The following OGFRL1 variants were observed in gnomAD, a reference collection of about 807,000 sequenced individuals.
OGFRL1 encodes the protein opioid growth factor receptor-like protein 1.
In OGFRL1, 26 loss-of-function variants were observed where a neutral mutation model predicts 32.4. The ratio of observed to expected loss-of-function variants is 0.80; its 90% CI spans 0.59 to 1.11. The LOEUF is 1.11. OGFRL1 is among the 50% of genes most tolerant of loss of function. The pLI is 0.00. For synonymous variants in OGFRL1, 211 were observed against 201.2 expected, an observed-to-expected ratio of 1.05 and a Z score of -0.41; for missense variants, 521 against 546.4, an observed-to-expected ratio of 0.95 and a Z score of 0.46.
In OGFRL1 at chr6:71,301,894, G is replaced by C. The variant is rs1174728040; in HGVS notation, c.1201G>C (p.Glu401Gln). ...AAATACAGAGAAGGACAGTAATGCT[G>C]AGAACATGAATTCTCAACCTGAGAA... ...PRNTEKDSNA[E>Q]NMNSQPEKTV... The change falls in exon 7 of 7, where the codon GAG (glutamate) becomes CAG (glutamine). Residue 401 changes from glutamate to glutamine, a missense_variant. Physicochemically the swap from Glu to Gln is conservative, Grantham distance 29 (BLOSUM62 2). Coordinates refer to ENST00000370435, the MANE Select transcript of OGFRL1 (RefSeq NM_024576.5). 2.5e-6 allele frequency: 4 copies of C among 1,614,076 alleles called. No homozygotes were observed. The South Asian group carries it at 4.4e-5, about 18-fold the overall frequency.
Position 71,289,104 on chromosome 6 carries a change from AG to A in OGFRL1, c.169del (p.Ala57ProfsTer62). 1 of 1,115,652 alleles carries A rather than the reference AG, an allele frequency of 9.0e-7. No individual in the cohort carries two copies. Among genetic ancestry groups the A allele is most frequent in the Non-Finnish European group, 1.1e-6 (1 of 915,066 alleles). The allele number at this position is 1,115,652 out of a possible 1,614,324, so 69.1% of individuals were successfully genotyped here. On this transcript the variant is annotated frameshift_variant, in exon 1 of 7. Coordinates refer to ENST00000370435, the MANE Select transcript of OGFRL1 (RefSeq NM_024576.5). LOFTEE classifies it high-confidence loss of function. ...SEQPAQPPEQ[A>X]GGRPGASPAP... Reference sequence around the variant, plus strand: ...AGCAGCCCGCGCAGCCCCCGGAGCAAGCCGGCGGGCGGCCCGGCGCCAGCCC... The same window carrying A: ...AGCAGCCCGCGCAGCCCCCGGAGCAACCGGCGGGCGGCCCGGCGCCAGCCC...
At chr6:71,289,269 C>T in intron 1 of OGFRL1, 99 bp downstream of exon 1, 1 of 1,013,062 alleles carries the variant, frequency 9.9e-7, no homozygotes, top group Non-Finnish European at 1.2e-6. Flanking sequence ...CCAGGGGCGC[C>T]AGGTGGCTGC....
chr6:71,289,696 C>T, intron 1 of OGFRL1: 1 of 985,104 alleles, frequency 1.0e-6, no homozygotes, highest in East Asian at 1.1e-4. Flanking sequence ...ACTGTTCTGC[C>T]CAACTCAGGC....
At position 71,289,548 on chromosome 6, in the gene OGFRL1, TAAAAAAAAAAAAA is replaced by T. The variant is rs1158690810; in HGVS notation, c.234+398_234+410del. ...CAACCCCTCTAGTGTGTGTTATTGG[TAAAAAAAAAAAAA>T]AAAAAAAAAAAAAAAAAAATTACTC... On this transcript the variant is annotated intron_variant, in intron 1 of 6. Coordinates refer to ENST00000370435, the MANE Select transcript of OGFRL1 (RefSeq NM_024576.5). 1,124 of 541,864 alleles carry T rather than the reference TAAAAAAAAAAAAA, an allele frequency of 2.1e-3. 9 individuals carry two copies. The African/African-American group carries it at 0.037, about 18-fold the overall frequency. The allele number at this position is 541,864 out of a possible 1,614,324, so 33.6% of individuals were successfully genotyped here.
rs966494216 is a variant in OGFRL1, at chr6:71,305,497, T to G, written c.*3448T>G. The G allele has an allele frequency of 1.8e-4, 28 of 152,084 alleles. No individual in the cohort carries two copies. Among genetic ancestry groups the G allele is most frequent in the Non-Finnish European group, 3.5e-4 (24 of 67,924 alleles). The allele number at this position is 152,084 out of a possible 1,614,324, so 9.4% of individuals were successfully genotyped here. On this transcript the variant is annotated 3_prime_UTR_variant, in exon 7 of 7. Transcript: ENST00000370435. ...CTAGTTGTCAACTCAAAAATTATGT[T>G]GCATAGTTTTATTTTGAATTTAGGT... is the stretch of plus-strand genomic sequence containing the variant.
Position 71,307,543 on chromosome 6 carries a change from A to G in OGFRL1, c.*5494A>G, listed in dbSNP as rs999805046. On this transcript the variant is annotated 3_prime_UTR_variant, in exon 7 of 7. Transcript: ENST00000370435. ...AAAAAATTAGGGAAGTTGTTCATTC[A>G]CAGCTGTATATTAATATAAAATCTC... The G allele has an allele frequency of 6.6e-6, 1 of 152,118 alleles. No homozygotes were observed. The highest frequency in any genetic ancestry group is 2.4e-5 in the African/African-American group (1 of 41,418). The allele number at this position is 152,118 out of a possible 1,614,324, so 9.4% of individuals were successfully genotyped here.
intron 1 of OGFRL1, chr6:71,289,780 G>C: frequency 1.0e-6 from 1 of 985,382 alleles, no homozygotes; most frequent in Non-Finnish European, 1.2e-6. Context: ...AACTGTGTTT[G>C]AACTGTTTGA....
chr6:71,289,536 G>A, intron 1 of OGFRL1: 1 of 163,190 alleles, frequency 6.1e-6, no homozygotes, highest in Non-Finnish European at 9.7e-6. Context: ...CCCCTCTAGT[G>A]TGTGTTATTG....
At chr6:71,299,485 A>G (rs1766318090) in intron 6 of OGFRL1, among the ~76,000 whole-genome samples, 2 of 152,200 alleles carry the variant, frequency 1.3e-5, no homozygotes, top group African/African-American at 2.4e-5. Context: ...ATATATAGAT[A>G]TAGTAAATGT....
chr6:71,293,102 A>G (rs191201741), intron 1 of OGFRL1, among the ~76,000 whole-genome samples, 191 bp from the exon 2 acceptor site: 1 of 152,228 alleles, frequency 6.6e-6, no homozygotes, highest in Non-Finnish European at 1.5e-5. Flanking sequence ...TGGTTCAAAT[A>G]AGAAAAATAG....
At chr6:71,295,968 T>C (rs919856549) in intron 3 of OGFRL1, among the ~76,000 whole-genome samples, 1 of 152,132 alleles carries the variant, frequency 6.6e-6, no homozygotes, top group Non-Finnish European at 1.5e-5. Context: ...GCTCTGCTAC[T>C]GTAGTACAAA....
chr6:71,301,336 C>A, intron 6 of OGFRL1, 50 bp from the exon 7 acceptor site: 2 of 1,423,810 alleles, frequency 1.4e-6, no homozygotes, highest in Non-Finnish European at 9.5e-7. Flanking sequence ...ATTCTCCTGC[C>A]TTCCTACACC....
At position 71,301,672 on chromosome 6, in the gene OGFRL1, A is replaced by C; in HGVS notation, c.979A>C (p.Lys327Gln). 1.2e-6 allele frequency: 2 copies of C among 1,614,000 alleles called. No homozygotes were observed. Among genetic ancestry groups the C allele is most frequent in the Non-Finnish European group, 1.7e-6 (2 of 1,180,000 alleles). The change falls in exon 7 of 7, where the codon AAA becomes CAA. Residue 327 changes from lysine (K) to glutamine (Q), a missense_variant. Coordinates refer to ENST00000370435, the MANE Select transcript of OGFRL1 (RefSeq NM_024576.5). ...ACAGTCGGAGGGAAGCAAAGCCCAG[A>C]AAATGTCTTCCCCTCTCGCCTCCAG... ...KEQSEGSKAQ[K>Q]MSSPLASSHN...
chr6:71,296,136 A>G (rs1766201239), intron 3 of OGFRL1, among the ~76,000 whole-genome samples, 181 bp from the exon 4 acceptor site: 1 of 152,186 alleles, frequency 6.6e-6, no homozygotes, highest in African/African-American at 2.4e-5. Flanking sequence ...ATTTTTTTTA[A>G]TTAGATTTAT....
chr6:71,301,440 T>C lies in OGFRL1; in HGVS notation c.747T>C (p.Leu249=). Reference sequence around the variant, plus strand: ...GTATTCTTAAAAGCCTTGGTGAGCTTGGATATGAAAGTTTTAAATCTCCTC... The same window carrying C: ...GTATTCTTAAAAGCCTTGGTGAGCTCGGATATGAAAGTTTTAAATCTCCTC... The part of the protein sequence containing the change: ...ITRILKSLGE[L]GYESFKSPLV... The change falls in exon 7 of 7, where the codon CTT becomes CTC. Residue 249 remains leucine, a synonymous_variant. Coordinates refer to ENST00000370435, the MANE Select transcript of OGFRL1 (RefSeq NM_024576.5). 3.7e-6 allele frequency: 6 copies of C among 1,610,020 alleles called. No individual in the cohort carries two copies. Among genetic ancestry groups the C allele is most frequent in the Non-Finnish European group, 5.1e-6 (6 of 1,178,960 alleles).
chr6:71,303,011 G>A lies in OGFRL1; in HGVS notation c.*962G>A, dbSNP rs1001482260. On this transcript the variant is annotated 3_prime_UTR_variant, in exon 7 of 7. Transcript: ENST00000370435. ...TTCTCAGCTAGCGTGTGTGTTTCTA[G>A]TGTAGTTGGCCCTCCATATTCAGGG... is the stretch of plus-strand genomic sequence containing the variant. 5.3e-5 allele frequency: 8 copies of A among 152,098 alleles called. No individual in the cohort carries two copies. Among genetic ancestry groups the A allele is most frequent in the Non-Finnish European group, 1.0e-4 (7 of 68,038 alleles). 9.4% of individuals were successfully genotyped at this position (152,098 alleles called of 1,614,324 possible). A position where few individuals can be genotyped will look rare whatever the true frequency, so the allele number is the denominator to read the frequency against.
intron 2 of OGFRL1, 68 bp from the exon 3 acceptor site, chr6:71,293,465 A>G: frequency 6.4e-7 from 1 of 1,561,852 alleles, no homozygotes; most frequent in Non-Finnish European, 8.8e-7. Context: ...GAAAACATGC[A>G]TGAAGGGTCC....
intron 1 of OGFRL1, among the ~76,000 whole-genome samples, chr6:71,292,564 T>C (rs1766083078): frequency 1.3e-5 from 2 of 152,212 alleles, no homozygotes; most frequent in Admixed American, 6.5e-5. Flanking sequence ...AATCAGTTCA[T>C]GGTGATAGGA....
At chr6:71,300,300 G>A (rs989574150) in intron 6 of OGFRL1, among the ~76,000 whole-genome samples, 1 of 152,174 alleles carries the variant, frequency 6.6e-6, no homozygotes. Context: ...GACCAGGCAT[G>A]TGTAATAAAG....
Sources: allele counts gnomAD v4.1 joint callset (sites outside exome capture counted in the v4.1 genomes callset), GRCh38; gene constraint gnomAD v4.1.1; transcripts MANE v1.5; gene names NCBI Gene and HGNC (gene_info 2026-07-23, HGNC 2026-07-21).